Variants in GALNTL6 observed in about 807,000 individuals in gnomAD.
The protein encoded by GALNTL6 is polypeptide N-acetylgalactosaminyltransferase like 6.
A neutral mutation model predicts 73.7 loss-of-function variants in GALNTL6; 46 were observed. The observed-to-expected ratio is 0.62, with a 90% CI of 0.49 to 0.80. The LOEUF (loss-of-function observed/expected upper bound fraction) is 0.80. Ranked by LOEUF, GALNTL6 falls within the 30% of genes least tolerant of loss-of-function variation. The pLI, the probability that GALNTL6 is intolerant of heterozygous loss-of-function variation, is 0.00. For missense variants in GALNTL6, 604 were observed against 755.0 expected, an observed-to-expected ratio of 0.80 and a Z score of 2.34; for synonymous variants, 259 against 263.7, an observed-to-expected ratio of 0.98 and a Z score of 0.17.
At chr4:172,107,757 C>T (rs1732723395) in intron 2 of GALNTL6, among the ~76,000 whole-genome samples, 2 of 151,554 alleles carry the variant, frequency 1.3e-5, no homozygotes, top group Non-Finnish European at 2.9e-5. Context: ...AGCACACCAA[C>T]ATGGCACATA....
At chr4:172,742,960 C>T (rs1736888815) in intron 5 of GALNTL6, among the ~76,000 whole-genome samples, 1 of 152,026 alleles carries the variant, frequency 6.6e-6, no homozygotes, top group African/African-American at 2.4e-5. Flanking sequence ...GCATGCCAAA[C>T]TTGTGATGTG....
intron 5 of GALNTL6, among the ~76,000 whole-genome samples, chr4:172,735,042 G>A (rs540681321): frequency 1.6e-4 from 25 of 152,368 alleles, no homozygotes; most frequent in African/African-American, 4.1e-4. Flanking sequence ...GAAGGGAAAT[G>A]TGGGGTTGGA....
chr4:172,977,616 A>C (rs140259925), intron 10 of GALNTL6, among the ~76,000 whole-genome samples: 1,877 of 151,936 alleles, frequency 0.012, 123 homozygotes, highest in Admixed American at 0.11. Flanking sequence ...GCATACTCTG[A>C]GAGAGAGAGG....
chr4:171,875,930 A>C (rs1448546668), intron 2 of GALNTL6, among the ~76,000 whole-genome samples: 1 of 151,886 alleles, frequency 6.6e-6, no homozygotes, highest in African/African-American at 2.4e-5. Flanking sequence ...ATTTGGGCAA[A>C]AATGAATTAT....
intron 10 of GALNTL6, among the ~76,000 whole-genome samples, chr4:172,971,323 A>G (rs1294635919): frequency 6.6e-6 from 1 of 152,198 alleles, no homozygotes; most frequent in Non-Finnish European, 1.5e-5. Flanking sequence ...AGGCCATCAA[A>G]AAGCAGTTAT....
intron 3 of GALNTL6, among the ~76,000 whole-genome samples, chr4:172,271,956 TA>T (rs930866336): frequency 8.0e-5 from 12 of 149,968 alleles, no homozygotes; most frequent in African/African-American, 1.3e-4. Context: ...TATATATATA[TA>T]TATTTTTTTT....
intron 5 of GALNTL6, among the ~76,000 whole-genome samples, chr4:172,613,796 A>T (rs777988567): frequency 2.0e-4 from 31 of 152,050 alleles, no homozygotes; most frequent in Admixed American, 7.9e-4. Flanking sequence ...TTCCTCTGCT[A>T]TTTACTTTGA....
At chr4:172,019,317 G>C (rs532356036) in intron 2 of GALNTL6, among the ~76,000 whole-genome samples, 4 of 151,968 alleles carry the variant, frequency 2.6e-5, no homozygotes, top group African/African-American at 9.6e-5. Context: ...TGGAGCTTTT[G>C]TCCATTTTAA....
intron 2 of GALNTL6, among the ~76,000 whole-genome samples, chr4:171,901,037 G>A (rs1049722105): frequency 6.6e-6 from 1 of 152,116 alleles, no homozygotes; most frequent in Non-Finnish European, 1.5e-5. Context: ...AAGACAAATA[G>A]AGCTAATCTG....
chr4:172,838,370 C>A (rs867966970), intron 7 of GALNTL6, among the ~76,000 whole-genome samples: 2 of 152,166 alleles, frequency 1.3e-5, no homozygotes, highest in African/African-American at 2.4e-5. Flanking sequence ...GGAGTCCAGA[C>A]ACGCAGTGTG....
At chr4:172,955,599 T>C (rs1046352353) in intron 10 of GALNTL6, among the ~76,000 whole-genome samples, 7 of 152,214 alleles carry the variant, frequency 4.6e-5, no homozygotes, top group African/African-American at 1.7e-4. Flanking sequence ...TAAAATAAGC[T>C]TTTTATTTTG....
rs537024304 is a variant in GALNTL6 at position 172,912,384 on chromosome 4, A to G, written c.1042-18777A>G. 2.0e-5 allele frequency among the ~76,000 whole-genome samples: 3 copies of G among 152,340 alleles called. No individual in the cohort carries two copies. In the South Asian group the frequency reaches 6.2e-4, roughly 32 times the overall value. On this transcript the variant is annotated intron_variant, in intron 8 of 12. Transcript: ENST00000506823. ...CTGGGACTTGTTGGACAGTGGGTGC[A>G]GCCCGTGGAGTGTGAGCCAAAGCAG...
intron 2 of GALNTL6, among the ~76,000 whole-genome samples, chr4:171,880,079 G>A (rs1736396267): frequency 6.6e-6 from 1 of 152,082 alleles, no homozygotes; most frequent in Non-Finnish European, 1.5e-5. Flanking sequence ...TCAAATTGTG[G>A]ATGCCATACA....
intron 7 of GALNTL6, among the ~76,000 whole-genome samples, chr4:172,832,264 G>C (rs1742680502): frequency 6.6e-6 from 1 of 152,072 alleles, no homozygotes; most frequent in East Asian, 1.9e-4. Context: ...TGTTGTGTGG[G>C]GATGGTGGGA....
At chr4:172,986,987 AT>A (rs895585461) in intron 10 of GALNTL6, among the ~76,000 whole-genome samples, 7 of 152,168 alleles carry the variant, frequency 4.6e-5, no homozygotes, top group African/African-American at 1.7e-4. Flanking sequence ...TGTAGAACAT[AT>A]TTTTTTAATT....
intron 5 of GALNTL6, among the ~76,000 whole-genome samples, chr4:172,700,454 G>A (rs1482476094): frequency 6.6e-6 from 1 of 152,112 alleles, no homozygotes; most frequent in Non-Finnish European, 1.5e-5. Context: ...ATTGTAGAGG[G>A]ATTTACTGAT....
In GALNTL6 at chr4:171,814,732, A is replaced by T. The variant is rs1400276300; in HGVS notation, c.138+14A>T. On this transcript the variant is annotated intron_variant, in intron 2 of 12. Transcript: ENST00000506823. ...GGGGAGCAGCAGGTAAGTGCCACCC[A>T]GAGAAAGATCACACAAGGATTGGTA... 6.2e-7 allele frequency: 1 copy of T among 1,613,356 alleles called. No homozygotes were observed.
At chr4:173,031,620 A>G (rs897770771) in intron 12 of GALNTL6, among the ~76,000 whole-genome samples, 2 of 149,222 alleles carry the variant, frequency 1.3e-5, no homozygotes, top group Admixed American at 6.7e-5. Context: ...TTAGGTAGGG[A>G]AAAAAAAAAG....
At chr4:172,112,738 G>T (rs532117052) in intron 2 of GALNTL6, among the ~76,000 whole-genome samples, 1 of 152,050 alleles carries the variant, frequency 6.6e-6, no homozygotes, top group South Asian at 2.1e-4. Flanking sequence ...TTAGGAAGTA[G>T]GATCTTTAAG....
Sources: allele counts gnomAD v4.1 joint callset (sites outside exome capture counted in the v4.1 genomes callset), GRCh38; gene constraint gnomAD v4.1.1; transcripts MANE v1.5; gene names NCBI Gene and HGNC (gene_info 2026-07-23, HGNC 2026-07-21).